The following ZNF469 variants were observed in gnomAD, a reference collection of about 807,000 sequenced individuals.
ZNF469 encodes the protein zinc finger protein 469.
ZNF469 carries 1 observed loss-of-function variant against 1.0 expected under a neutral mutation model. The observed-to-expected ratio is 1.00, with a 90% CI of 0.35 to 4.73. The LOEUF (loss-of-function observed/expected upper bound fraction) is 4.73. ZNF469 is among the 30% of genes most tolerant of loss of function. The pLI, the probability that ZNF469 is intolerant of heterozygous loss-of-function variation, is 0.16. For synonymous variants in ZNF469, 2,703 were observed against 2,363.4 expected, an observed-to-expected ratio of 1.14 and a Z score of -4.17; for missense variants, 6,100 against 5,356.3, an observed-to-expected ratio of 1.14 and a Z score of -4.33.
chr16:88,301,500 G>T, the ZNF469 span, among the ~76,000 whole-genome samples: 1 of 152,214 alleles, frequency 6.6e-6, no homozygotes, highest in Admixed American at 6.5e-5. Context: ...ACCCTCTCTT[G>T]TACTCAGTGA....
chr16:88,289,504 T>C, the ZNF469 span, among the ~76,000 whole-genome samples: 3 of 152,008 alleles, frequency 2.0e-5, no homozygotes. Flanking sequence ...TATTGAGTGT[T>C]TGTTCTCTGT....
chr16:88,387,113 G>T (rs1213869070), intron 1 of ZNF469, among the ~76,000 whole-genome samples: 1 of 152,192 alleles, frequency 6.6e-6, no homozygotes, highest in African/African-American at 2.4e-5. Context: ...CCACCCAGGG[G>T]AGCGCCTTGT....
chr16:88,221,570 C>T, the ZNF469 span, among the ~76,000 whole-genome samples: 1 of 152,216 alleles, frequency 6.6e-6, no homozygotes, highest in Non-Finnish European at 1.5e-5. Context: ...CTCCTTGCCC[C>T]GGCTGCGGGC....
At chr16:88,199,277 A>C in the ZNF469 span, among the ~76,000 whole-genome samples, 1 of 152,226 alleles carries the variant, frequency 6.6e-6, no homozygotes, top group East Asian at 1.9e-4. Flanking sequence ...AGGAGGCAGG[A>C]ACAGGTTAGA....
chr16:88,220,129 C>A, the ZNF469 span, among the ~76,000 whole-genome samples: 1 of 152,100 alleles, frequency 6.6e-6, no homozygotes, highest in Non-Finnish European at 1.5e-5. Flanking sequence ...AAGCCATGGC[C>A]CCATGGTGGC....
chr16:88,436,060 C>G lies in ZNF469; in HGVS notation c.8590C>G (p.Pro2864Ala), dbSNP rs751901105. 110 of 1,550,236 alleles carry G rather than the reference C, an allele frequency of 7.1e-5. No individual in the cohort carries two copies. The highest frequency in any genetic ancestry group is 3.6e-4 in the South Asian group (30 of 84,066). Residue 2864 changes from proline (P) to alanine (A), a missense_variant, in exon 3 of 3, where the codon CCT becomes GCT. By Grantham distance (27) the Pro-to-Ala change is conservative. Coordinates refer to ENST00000565624, the MANE Select transcript of ZNF469 (RefSeq NM_001367624.2). ...TGAGGTCTCTTTCTCCCAGCTCTTC[C>G]CTCCAGGCGGTCGCTTGACTAGAAA... is the stretch of plus-strand genomic sequence containing the variant. Reference protein sequence around the residue: ...DDEVSFSQLFPPGGRLTRKRN... With the variant: ...DDEVSFSQLFAPGGRLTRKRN...
At chr16:88,407,516 G>A (rs1198535172) in intron 1 of ZNF469, among the ~76,000 whole-genome samples, 12 of 152,220 alleles carry the variant, frequency 7.9e-5, no homozygotes, top group Admixed American at 6.5e-4. Context: ...GACACCGAAC[G>A]AGGCCGTGTG....
chr16:88,357,838 G>T, the ZNF469 span, among the ~76,000 whole-genome samples: 3 of 152,252 alleles, frequency 2.0e-5, no homozygotes, highest in African/African-American at 4.8e-5. Flanking sequence ...GACTCAGGCC[G>T]CCAGGTGTAG....
the ZNF469 span, among the ~76,000 whole-genome samples, chr16:88,120,496 G>A: frequency 5.9e-5 from 9 of 152,352 alleles, no homozygotes; most frequent in South Asian, 2.1e-4. Flanking sequence ...GGACGTGGGT[G>A]GTGTTACTGT....
At chr16:88,226,334 C>A in the ZNF469 span, among the ~76,000 whole-genome samples, 1 of 151,898 alleles carries the variant, frequency 6.6e-6, no homozygotes, top group African/African-American at 2.4e-5. Context: ...CCTTAGGAGG[C>A]TGGGAGAAGA....
At position 88,436,059 on chromosome 16, in the gene ZNF469, C is replaced by T. The variant is rs778058572; in HGVS notation, c.8589C>T (p.Phe2863=). Residue 2863 remains phenylalanine, a synonymous_variant, in exon 3 of 3, where the codon TTC becomes TTT. Transcript: ENST00000565624. ...FDDEVSFSQL[F]PPGGRLTRKR... is the part of the protein sequence containing the mutation. Reference sequence around the variant, plus strand: ...ATGAGGTCTCTTTCTCCCAGCTCTTCCCTCCAGGCGGTCGCTTGACTAGAA... The same window carrying T: ...ATGAGGTCTCTTTCTCCCAGCTCTTTCCTCCAGGCGGTCGCTTGACTAGAA... 7.7e-6 allele frequency: 12 copies of T among 1,550,112 alleles called. No homozygotes were observed. In the African/African-American group the frequency reaches 1.4e-4, roughly 18 times the overall value.
the ZNF469 span, among the ~76,000 whole-genome samples, chr16:88,298,843 C>T: frequency 1.3e-5 from 2 of 152,182 alleles, no homozygotes; most frequent in Non-Finnish European, 2.9e-5. Context: ...ATCCACATCC[C>T]TGTAGGGTCC....
chr16:88,145,466 C>T, the ZNF469 span, among the ~76,000 whole-genome samples: 11 of 152,360 alleles, frequency 7.2e-5, no homozygotes, highest in African/African-American at 1.7e-4. Context: ...CCAGCCCCTG[C>T]GAGCCTCGTG....
At chr16:88,369,245 C>T in the ZNF469 span, among the ~76,000 whole-genome samples, 2 of 152,286 alleles carry the variant, frequency 1.3e-5, no homozygotes, top group South Asian at 4.2e-4. Context: ...GGGAATAAAC[C>T]CCTCCCTCCC....
At chr16:88,220,053 A>G in the ZNF469 span, among the ~76,000 whole-genome samples, 3 of 152,222 alleles carry the variant, frequency 2.0e-5, no homozygotes, top group Non-Finnish European at 4.4e-5. Context: ...ACATGACCTC[A>G]GCAGCCTCAT....
chr16:88,378,577 A>G (rs957110921), upstream of ZNF469, among the ~76,000 whole-genome samples: 1 of 151,974 alleles, frequency 6.6e-6, no homozygotes, highest in Admixed American at 6.6e-5. Flanking sequence ...CCGAGTCTGC[A>G]CCTCTGCCCG....
the ZNF469 span, among the ~76,000 whole-genome samples, chr16:88,161,388 C>T: frequency 6.6e-6 from 1 of 152,252 alleles, no homozygotes; most frequent in East Asian, 1.9e-4. Context: ...GGTGTGTGCT[C>T]ATCAGAATCT....
chr16:88,157,425 T>C, the ZNF469 span, among the ~76,000 whole-genome samples: 4 of 152,178 alleles, frequency 2.6e-5, no homozygotes, highest in South Asian at 2.1e-4. Flanking sequence ...CTGTGCAAAA[T>C]TGCATGTGGA....
chr16:88,407,531 C>G (rs1180727028), intron 1 of ZNF469, among the ~76,000 whole-genome samples: 1 of 152,206 alleles, frequency 6.6e-6, no homozygotes, highest in African/African-American at 2.4e-5. Flanking sequence ...CGTGTGCATC[C>G]GACGTCTGAG....
Sources: gnomAD v4.1 joint callset for allele counts (sites outside exome capture counted in the v4.1 genomes callset) on GRCh38, gnomAD v4.1.1 for gene constraint, MANE v1.5 for transcripts, NCBI Gene and HGNC (gene_info 2026-07-23, HGNC 2026-07-21) for gene names.